IL7: variants seen among roughly 807,000 people sequenced by gnomAD.
IL7 encodes interleukin-7.
IL7 carries 3 observed loss-of-function variants against 21.6 expected under a neutral mutation model. The observed-to-expected ratio is 0.14, with a 90% confidence interval of 0.06 to 0.36. The LOEUF (loss-of-function observed/expected upper bound fraction) is 0.36. Ranked by LOEUF, IL7 falls within the 10% of genes least tolerant of loss-of-function variation. IL7 has a pLI of 1.00. For missense variants in IL7, 175 were observed against 200.2 expected (o/e 0.87, Z 0.76); for synonymous variants, 62 against 68.1 (o/e 0.91, Z 0.44).
intron 2 of IL7, chr8:78,762,454 C>G: frequency 1.9e-6 from 3 of 1,562,358 alleles, no homozygotes; most frequent in Non-Finnish European, 1.7e-6. Flanking sequence ...GCCGGCCGGT[C>G]CAGCCCTCCC....
At chr8:78,760,150 T>C in intron 2 of IL7, 22 of 1,515,150 alleles carry the variant, frequency 1.5e-5, no homozygotes, top group Non-Finnish European at 1.8e-5. Context: ...TCTTAGGTAT[T>C]TTCCACAGTT....
At chr8:78,788,680 GAGAAAA>G (rs1165585301) in intron 2 of IL7, among the ~76,000 whole-genome samples, 1 of 152,124 alleles carries the variant, frequency 6.6e-6, no homozygotes, top group African/African-American at 2.4e-5. Context: ...ATGTGAGTCT[GAGAAAA>G]ATGTGTATTA....
At chr8:78,750,024 C>T (rs962574238) in intron 2 of IL7, among the ~76,000 whole-genome samples, 1 of 151,618 alleles carries the variant, frequency 6.6e-6, no homozygotes, top group South Asian at 2.1e-4. Flanking sequence ...GACAGTAAGA[C>T]CCTGTCTCAA....
At chr8:78,745,163 A>C (rs142035513) in intron 2 of IL7, among the ~76,000 whole-genome samples, 2 of 152,328 alleles carry the variant, frequency 1.3e-5, no homozygotes, top group African/African-American at 4.8e-5. Flanking sequence ...TGTTCTTTAC[A>C]TTTGTAGAAT....
At chr8:78,723,734 C>A (rs2046338) in intron 3 of IL7, 123,060 of 185,746 alleles carry the variant, frequency 0.66, 42,787 homozygotes, top group East Asian at 0.9. Context: ...AGTACATATG[C>A]AAATATCATA....
At chr8:78,734,515 G>C (rs184907371) in intron 5 of IL7, among the ~76,000 whole-genome samples, 219 of 152,286 alleles carry the variant, frequency 1.4e-3, no homozygotes, top group African/African-American at 5.0e-3. Flanking sequence ...ATAACAACTA[G>C]TTGATCACAA....
intron 2 of IL7, among the ~76,000 whole-genome samples, chr8:78,777,098 A>G (rs1218260210): frequency 2.0e-5 from 3 of 152,134 alleles, no homozygotes; most frequent in Non-Finnish European, 4.4e-5. Context: ...TATGTGATCG[A>G]CAATGTCTTC....
intron 3 of IL7, among the ~76,000 whole-genome samples, chr8:78,690,750 T>C (rs1206644277): frequency 6.6e-6 from 1 of 152,188 alleles, no homozygotes; most frequent in Non-Finnish European, 1.5e-5. Flanking sequence ...TATTTTCTGA[T>C]CATTTAGGTT....
chr8:78,768,170 T>C (rs985074719), intron 2 of IL7, among the ~76,000 whole-genome samples: 2 of 152,222 alleles, frequency 1.3e-5, no homozygotes, highest in South Asian at 2.1e-4. Flanking sequence ...CAGTCTATCA[T>C]TGACGGACAT....
At chr8:78,786,400 A>G (rs1380978381) in intron 2 of IL7, among the ~76,000 whole-genome samples, 1 of 152,226 alleles carries the variant, frequency 6.6e-6, no homozygotes, top group Non-Finnish European at 1.5e-5. Flanking sequence ...GGCACCTTCC[A>G]TGAATGGAGC....
Position 78,798,186 on chromosome 8 carries a change from T to C in IL7, c.33A>G (p.Gly11=). ...ACAGAACAAGGATCAGGGGAGGAAG[T>C]CCAAAGATATACCTAAAAGAAACTA... MFHVSFRYIF[G]LPPLILVLLP... is the part of the protein sequence containing the mutation. The change falls in exon 2 of 6, where the codon GGA becomes GGG. Residue 11 remains glycine, a synonymous_variant. Transcript: ENST00000263851. 1.2e-6 allele frequency: 2 copies of C among 1,610,810 alleles called. No individual in the cohort carries two copies. The highest frequency in any genetic ancestry group is 1.3e-5 in the African/African-American group (1 of 74,938).
chr8:78,776,769 T>C (rs1813149960), intron 2 of IL7, among the ~76,000 whole-genome samples: 1 of 152,012 alleles, frequency 6.6e-6, no homozygotes. Context: ...GGTCCTAATT[T>C]TATCCCCACT....
intron 2 of IL7, among the ~76,000 whole-genome samples, chr8:78,763,612 C>A (rs1233116229): frequency 2.0e-5 from 3 of 151,936 alleles, no homozygotes; most frequent in Non-Finnish European, 2.9e-5. Context: ...CACAATCTAC[C>A]AAAACTCACA....
chr8:78,793,659 T>C (rs192013062), intron 2 of IL7, among the ~76,000 whole-genome samples: 1 of 152,172 alleles, frequency 6.6e-6, no homozygotes, highest in Admixed American at 6.5e-5. Context: ...GAAGGTTGGG[T>C]GGCTGTAGTA....
intron 3 of IL7, among the ~76,000 whole-genome samples, chr8:78,700,661 A>G (rs896140342): frequency 1.3e-5 from 2 of 152,104 alleles, no homozygotes; most frequent in Admixed American, 6.6e-5. Context: ...TCTTTAATCC[A>G]TCTTGTGTTA....
chr8:78,755,978 C>A (rs968946950), intron 2 of IL7, among the ~76,000 whole-genome samples: 1 of 151,828 alleles, frequency 6.6e-6, no homozygotes, highest in African/African-American at 2.4e-5. Context: ...TAATATATGG[C>A]CTTTATTGAG....
chr8:78,687,559 CATA>C (rs1194361275), intron 3 of IL7, among the ~76,000 whole-genome samples: 2 of 137,122 alleles, frequency 1.5e-5, no homozygotes, highest in African/African-American at 5.4e-5. Flanking sequence ...TTTATATTTA[CATA>C]ATAAATTATA....
chr8:78,733,983 A>T, intron 5 of IL7, 151 bp from the exon 6 acceptor site: 1 of 558,368 alleles, frequency 1.8e-6, no homozygotes, highest in Non-Finnish European at 2.7e-6. Flanking sequence ...GATGATTTCT[A>T]ACTATCTTTG....
intron 5 of IL7, among the ~76,000 whole-genome samples, chr8:78,735,065 G>A (rs1051458156): frequency 2.0e-5 from 3 of 151,660 alleles, no homozygotes; most frequent in African/African-American, 7.3e-5. Context: ...AAATATAAAG[G>A]CAAACTTTTC....
Sources: allele counts gnomAD v4.1 joint callset (sites outside exome capture counted in the v4.1 genomes callset), GRCh38; gene constraint gnomAD v4.1.1; transcripts MANE v1.5; gene names NCBI Gene and HGNC (gene_info 2026-07-23, HGNC 2026-07-21).